Variants in PDZD2 observed in about 807,000 individuals in gnomAD.
PDZD2 encodes PDZ domain-containing protein 2.
PDZD2 carries 90 observed loss-of-function variants against 220.7 expected under a neutral mutation model. The observed-to-expected ratio is 0.41, with a 90% CI of 0.34 to 0.49. PDZD2 has a LOEUF of 0.49. PDZD2 is among the 20% of genes least tolerant of loss of function. The pLI is 0.28. For missense variants in PDZD2, 3,174 were observed against 3,608.5 expected (o/e 0.88, Z 3.08); for synonymous variants, 1,375 against 1,450.5 (o/e 0.95, Z 1.18).
At chr5:31,860,074 G>A (rs1488655425) in intron 2 of PDZD2, among the ~76,000 whole-genome samples, 1 of 152,202 alleles carries the variant, frequency 6.6e-6, no homozygotes, top group African/African-American at 2.4e-5. Flanking sequence ...CCCCTACACT[G>A]AGGGGAGTTG....
intron 1 of PDZD2, among the ~76,000 whole-genome samples, chr5:31,694,460 G>C (rs185991211): frequency 2.0e-5 from 3 of 152,172 alleles, no homozygotes; most frequent in African/African-American, 4.8e-5. Context: ...CCACAGGTTT[G>C]GCTGTCTTCA....
At chr5:31,699,041 T>C (rs1747500557) in intron 1 of PDZD2, among the ~76,000 whole-genome samples, 1 of 152,204 alleles carries the variant, frequency 6.6e-6, no homozygotes, top group South Asian at 2.1e-4. Context: ...GCTGCTAGTT[T>C]TCCTCCATTT....
At chr5:32,020,798 C>G (rs754075523) in intron 6 of PDZD2, among the ~76,000 whole-genome samples, 2 of 151,952 alleles carry the variant, frequency 1.3e-5, no homozygotes, top group Non-Finnish European at 2.9e-5. Context: ...GTGCACACCA[C>G]CATTCCTGGC....
intron 2 of PDZD2, among the ~76,000 whole-genome samples, chr5:31,953,370 AT>A (rs1409247812): frequency 6.6e-6 from 1 of 152,228 alleles, no homozygotes; most frequent in African/African-American, 2.4e-5. Flanking sequence ...TGAGATAAAA[AT>A]AGCTAAACAT....
intron 2 of PDZD2, among the ~76,000 whole-genome samples, chr5:31,897,562 A>G (rs1243862195): frequency 6.6e-6 from 1 of 152,208 alleles, no homozygotes; most frequent in Non-Finnish European, 1.5e-5. Flanking sequence ...GTCCCCCAGC[A>G]TCACTGAGTG....
At chr5:32,104,716 TAA>T (rs755177769) in intron 24 of PDZD2, among the ~76,000 whole-genome samples, 736 of 29,914 alleles carry the variant, frequency 0.025, 7 homozygotes, top group African/African-American at 0.05. Context: ...AGGCTCCATC[TAA>T]AAAAAAAAAA....
chr5:32,081,180 C>G (rs1272860579), intron 19 of PDZD2, among the ~76,000 whole-genome samples: 1 of 152,100 alleles, frequency 6.6e-6, no homozygotes, highest in East Asian at 1.9e-4. Flanking sequence ...CTCCCAGCCC[C>G]GTACTCCCTG....
At chr5:31,810,699 T>A (rs1755061926) in intron 2 of PDZD2, among the ~76,000 whole-genome samples, 1 of 152,206 alleles carries the variant, frequency 6.6e-6, no homozygotes, top group Non-Finnish European at 1.5e-5. Context: ...TCACTCCCAT[T>A]CCACCTGGGT....
intron 1 of PDZD2, among the ~76,000 whole-genome samples, chr5:31,747,004 G>A (rs926873825): frequency 1.3e-5 from 2 of 152,078 alleles, no homozygotes; most frequent in African/African-American, 2.4e-5. Flanking sequence ...GTAAAACCCC[G>A]TCTCTACTGA....
intron 2 of PDZD2, among the ~76,000 whole-genome samples, chr5:31,907,502 A>G (rs1443001548): frequency 1.3e-5 from 2 of 152,374 alleles, no homozygotes; most frequent in East Asian, 3.9e-4. Flanking sequence ...CATAAATGAC[A>G]TAAAAGCTCT....
At chr5:31,835,477 C>T (rs905019880) in intron 2 of PDZD2, among the ~76,000 whole-genome samples, 4 of 151,854 alleles carry the variant, frequency 2.6e-5, no homozygotes, top group African/African-American at 9.7e-5. Flanking sequence ...ATTAGCCAGG[C>T]GTGGTGGCGG....
intron 2 of PDZD2, among the ~76,000 whole-genome samples, chr5:31,887,834 A>G (rs1323050330): frequency 2.7e-5 from 4 of 147,774 alleles, no homozygotes; most frequent in Non-Finnish European, 6.0e-5. Context: ...GAGGGGGGGA[A>G]CAGCACTTTT....
intron 2 of PDZD2, among the ~76,000 whole-genome samples, chr5:31,838,015 A>T (rs907926645): frequency 6.6e-6 from 1 of 152,218 alleles, no homozygotes; most frequent in Non-Finnish European, 1.5e-5. Context: ...AAATACACAA[A>T]ATTCTGTGAG....
chr5:31,921,542 T>C (rs1025744418), intron 2 of PDZD2, among the ~76,000 whole-genome samples: 7 of 151,820 alleles, frequency 4.6e-5, no homozygotes, highest in South Asian at 2.1e-4. Context: ...AAAAAAAAAT[T>C]AGCTGGGTGT....
At chr5:32,085,382 A>G (rs1440092674) in intron 19 of PDZD2, among the ~76,000 whole-genome samples, 1 of 150,050 alleles carries the variant, frequency 6.7e-6, no homozygotes, top group African/African-American at 2.5e-5. Flanking sequence ...CAAATGTATC[A>G]TGTCTTTGTG....
At chr5:32,014,186 T>C (rs192424006) in intron 6 of PDZD2, among the ~76,000 whole-genome samples, 5 of 152,324 alleles carry the variant, frequency 3.3e-5, no homozygotes, top group African/African-American at 1.2e-4. Context: ...AGTTCACAGA[T>C]GATGATGATG....
intron 14 of PDZD2, among the ~76,000 whole-genome samples, chr5:32,069,164 G>A (rs561675619): frequency 3.2e-4 from 48 of 151,826 alleles, no homozygotes; most frequent in African/African-American, 1.2e-3. Flanking sequence ...TACTTGGGAG[G>A]CTGAGGCAGG....
Position 31,841,161 on chromosome 5 carries a change from A to G in PDZD2, c.476+41437A>G, listed in dbSNP as rs373012594. 3.9e-5 allele frequency among the ~76,000 whole-genome samples: 6 copies of G among 152,300 alleles called. No individual in the cohort carries two copies. In the South Asian group the frequency reaches 6.2e-4, roughly 16 times the overall value. ...TCCCATCATCCAGTGGTGGGATATT[A>G]CTAATATCTGGTCTATTTTGTCCTG... On this transcript the variant is annotated intron_variant, in intron 2 of 24. Transcript: ENST00000438447.
intron 3 of PDZD2, among the ~76,000 whole-genome samples, chr5:31,989,403 T>C (rs116169969): frequency 0.011 from 1,696 of 151,534 alleles, 33 homozygotes; most frequent in African/African-American, 0.039. Flanking sequence ...TTCTGTGGTA[T>C]ATACCACATT....
Sources: gnomAD v4.1 joint callset for allele counts (sites outside exome capture counted in the v4.1 genomes callset) on GRCh38, gnomAD v4.1.1 for gene constraint, MANE v1.5 for transcripts, NCBI Gene and HGNC (gene_info 2026-07-23, HGNC 2026-07-21) for gene names.